The following MTCL2 variants were observed in gnomAD, a reference collection of about 807,000 sequenced individuals.
MTCL2 encodes the protein microtubule crosslinking factor 2.
the MTCL2 span, among the ~76,000 whole-genome samples, chr20:36,811,105 T>C: frequency 1.3e-5 from 2 of 152,184 alleles, no homozygotes; most frequent in East Asian, 1.9e-4. Flanking sequence ...GTCAATAATA[T>C]GATGATTTGG....
chr20:36,862,925 C>T, the MTCL2 span: 1 of 1,348,388 alleles, frequency 7.4e-7, no homozygotes, highest in Non-Finnish European at 9.6e-7. Context: ...CGTCGCTGCT[C>T]AGCGCCAGCT....
chr20:36,784,463 C>T, the MTCL2 span: 1 of 985,508 alleles, frequency 1.0e-6, no homozygotes, highest in Non-Finnish European at 1.2e-6. Flanking sequence ...GGGGCGCCTC[C>T]AGAGTCCTGG....
At chr20:36,809,126 A>C in the MTCL2 span, among the ~76,000 whole-genome samples, 1 of 152,170 alleles carries the variant, frequency 6.6e-6, no homozygotes, top group African/African-American at 2.4e-5. Context: ...ACAGCTGATG[A>C]CTAGGCAACA....
the MTCL2 span, chr20:36,815,380 C>G: frequency 6.2e-7 from 1 of 1,613,336 alleles, no homozygotes; most frequent in African/African-American, 1.3e-5. The surrounding 1 kb of genome is among the most constrained non-coding windows in gnomAD (Gnocchi z 5.3). Flanking sequence ...TCAGCACACT[C>G]GTTGTCCAGA....
At chr20:36,794,303 C>T in the MTCL2 span, 5 of 1,558,288 alleles carry the variant, frequency 3.2e-6, no homozygotes, top group Non-Finnish European at 4.3e-6. This position sits in a 1 kb window ranked among gnomAD's most constrained non-coding sequence, Gnocchi z 5.4. Context: ...TCCGAGGCGC[C>T]GGGCCACCGG....
the MTCL2 span, chr20:36,828,610 C>A: frequency 6.4e-6 from 1 of 156,822 alleles, no homozygotes; most frequent in African/African-American, 2.4e-5. Context: ...ATCTCGCAGT[C>A]TCTTGCAGCC....
At chr20:36,786,380 C>A in the MTCL2 span, 1 of 1,389,700 alleles carries the variant, frequency 7.2e-7, no homozygotes, top group Non-Finnish European at 9.4e-7. Context: ...CAGGGCCAGG[C>A]AATGCTGAGG....
chr20:36,835,285 A>G, the MTCL2 span, among the ~76,000 whole-genome samples: 1 of 152,160 alleles, frequency 6.6e-6, no homozygotes, highest in Non-Finnish European at 1.5e-5. Context: ...GGTGAGGACC[A>G]GCAGAGAGGG....
At chr20:36,808,689 G>A in the MTCL2 span, 1 of 1,609,596 alleles carries the variant, frequency 6.2e-7, no homozygotes, top group South Asian at 1.1e-5. Flanking sequence ...TGGAGGCTCA[G>A]ACTCTGCAGC....
At chr20:36,794,224 C>T in the MTCL2 span, 6 of 1,548,446 alleles carry the variant, frequency 3.9e-6, no homozygotes, top group Non-Finnish European at 5.2e-6. This position sits in a 1 kb window ranked among gnomAD's most constrained non-coding sequence, Gnocchi z 5.4. Context: ...ACTCTTTGGG[C>T]TTGGCTGTGG....
At chr20:36,825,120 TGTA>T in the MTCL2 span, among the ~76,000 whole-genome samples, 2 of 151,980 alleles carry the variant, frequency 1.3e-5, no homozygotes, top group Non-Finnish European at 2.9e-5. Flanking sequence ...TTTTTGTATT[TGTA>T]GTAGAAGTGG....
the MTCL2 span, among the ~76,000 whole-genome samples, chr20:36,813,025 G>A: frequency 6.6e-6 from 1 of 152,230 alleles, no homozygotes; most frequent in African/African-American, 2.4e-5. Flanking sequence ...TGGGGGCACT[G>A]CTGCCGTTTA....
the MTCL2 span, among the ~76,000 whole-genome samples, chr20:36,836,163 AAACT>A: frequency 7.2e-6 from 1 of 138,150 alleles, no homozygotes; most frequent in East Asian, 2.2e-4. Flanking sequence ...TTGAACTTGG[AAACT>A]AACTCATTCT....
chr20:36,802,973 C>A, the MTCL2 span: 1 of 1,588,372 alleles, frequency 6.3e-7, no homozygotes, highest in South Asian at 1.1e-5. Context: ...TGATCTGCAG[C>A]TGCCGAGTCA....
chr20:36,852,560 G>A, the MTCL2 span, among the ~76,000 whole-genome samples: 1 of 152,226 alleles, frequency 6.6e-6, no homozygotes, highest in African/African-American at 2.4e-5. Context: ...ACAGCAGCAG[G>A]GGAGGGAAAC....
the MTCL2 span, among the ~76,000 whole-genome samples, chr20:36,791,321 C>G: frequency 6.6e-6 from 1 of 152,216 alleles, no homozygotes; most frequent in Non-Finnish European, 1.5e-5. Flanking sequence ...GCATGAGCCA[C>G]CGCGCCCGGC....
chr20:36,785,934 G>A, the MTCL2 span: 1 of 988,070 alleles, frequency 1.0e-6, no homozygotes, highest in Middle Eastern at 5.2e-4. Flanking sequence ...GAGCAGTGGG[G>A]CTGGGAGGAG....
chr20:36,846,439 TG>T, the MTCL2 span, among the ~76,000 whole-genome samples: 1 of 152,264 alleles, frequency 6.6e-6, no homozygotes, highest in East Asian at 1.9e-4. Flanking sequence ...AATAGGAGCA[TG>T]GGGGAGGATG....
chr20:36,793,737 C>T, the MTCL2 span: 3 of 1,542,900 alleles, frequency 1.9e-6, no homozygotes, highest in Non-Finnish European at 2.6e-6. The surrounding 1 kb of genome is among the most constrained non-coding windows in gnomAD (Gnocchi z 6.8). Context: ...AGCTTGGACA[C>T]AGACCGCCTC....
Sources: gnomAD v4.1 joint callset for allele counts (sites outside exome capture counted in the v4.1 genomes callset) on GRCh38, gnomAD v4.1.1 for gene constraint, Gnocchi (gnomAD v3.1) non-coding constraint, MANE v1.5 for transcripts, NCBI Gene and HGNC (gene_info 2026-07-23, HGNC 2026-07-21) for gene names.